APBA2: variants seen among roughly 807,000 people sequenced by gnomAD.
The protein encoded by APBA2 is amyloid-beta A4 precursor protein-binding family A member 2.
Under a neutral mutation model 75.0 loss-of-function variants are expected in APBA2, and 30 were observed. That is an observed-to-expected ratio of 0.40 (90% CI 0.30 to 0.54). The LOEUF is 0.54. Ranked by LOEUF, APBA2 falls within the 20% of genes least tolerant of loss-of-function variation. The probability of loss-of-function intolerance (pLI) is 0.49; values close to 1 mark genes in which losing one functional copy is unlikely to be tolerated. For missense variants in APBA2, 801 were observed against 1,016.1 expected, an observed-to-expected ratio of 0.79 and a Z score of 2.88; for synonymous variants, 444 against 409.6, an observed-to-expected ratio of 1.08 and a Z score of -1.01.
In APBA2 at chr15:28,947,917, T is replaced by G. The variant is rs577031007; in HGVS notation, c.-95+26168T>G. Among the ~76,000 whole-genome samples, 3 of 152,328 alleles carry G rather than the reference T, an allele frequency of 2.0e-5. No homozygotes were observed. The South Asian group carries it at 6.2e-4, about 32-fold the overall frequency. On this transcript the variant is annotated intron_variant, in intron 2 of 14. Transcript: ENST00000683413. ...GATTTGCTGTCAGGCAACTTATTTATAAATAAAGCAGCTTTTCAAGGAGCA... is the reference window on the plus strand; with the variant it reads ...GATTTGCTGTCAGGCAACTTATTTAGAAATAAAGCAGCTTTTCAAGGAGCA...
intron 6 of APBA2, among the ~76,000 whole-genome samples, chr15:29,088,261 G>T (rs940566530): frequency 6.6e-6 from 1 of 152,106 alleles, no homozygotes; most frequent in Admixed American, 6.6e-5. Context: ...GCTTCATCCT[G>T]CCCCCTTGCC....
Position 29,113,100 on chromosome 15 carries a change from C to T in APBA2, c.2038-776C>T, listed in dbSNP as rs999132816. On this transcript the variant is annotated intron_variant, in intron 13 of 14. Coordinates refer to ENST00000683413, the MANE Select transcript of APBA2 (RefSeq NM_001353788.2). The stretch of plus-strand genomic sequence containing the variant: ...AGCACATTCTGTTTCTCCGCTAGTC[C>T]GTGCTGTCACCCTCGGCTGTTGTGA... 3.3e-5 allele frequency among the ~76,000 whole-genome samples: 5 copies of T among 152,282 alleles called. 1 individual carries two copies. The highest frequency in any genetic ancestry group is 7.2e-5 in the African/African-American group (3 of 41,550).
chr15:29,080,715 G>A (rs1566983019), intron 6 of APBA2, among the ~76,000 whole-genome samples: 3 of 152,288 alleles, frequency 2.0e-5, no homozygotes, highest in South Asian at 2.1e-4. Context: ...GAGGGTCACT[G>A]CCTCTGGATG....
intron 3 of APBA2, among the ~76,000 whole-genome samples, chr15:29,011,708 A>G (rs1402655600): frequency 6.6e-6 from 1 of 152,238 alleles, no homozygotes; most frequent in African/African-American, 2.4e-5. Flanking sequence ...TACTGAAAGA[A>G]GTGTGTTAAA....
intron 10 of APBA2, among the ~76,000 whole-genome samples, chr15:29,102,959 C>T (rs575257366): frequency 6.6e-6 from 1 of 152,234 alleles, no homozygotes; most frequent in Admixed American, 6.5e-5. Flanking sequence ...AACTTGGGTC[C>T]ACTTGAAGTG....
At chr15:28,967,499 C>T (rs1282200188) in intron 2 of APBA2, among the ~76,000 whole-genome samples, 1 of 152,100 alleles carries the variant, frequency 6.6e-6, no homozygotes, top group Non-Finnish European at 1.5e-5. Flanking sequence ...AGTGCAGTGG[C>T]ACGATCTTGG....
At position 28,942,741 on chromosome 15, in the gene APBA2, G is replaced by A. The variant is rs565947968; in HGVS notation, c.-95+20992G>A. Among the ~76,000 whole-genome samples the A allele has an allele frequency of 1.2e-4, 19 of 152,300 alleles. No individual in the cohort carries two copies. In the East Asian group the frequency reaches 3.3e-3, roughly 26 times the overall value. ...GGGAGGTATCCTTACCCCAGGACCC[G>A]AGTGAGCGTCTGTTGGAGACTCCCA... is the stretch of plus-strand genomic sequence containing the variant. On this transcript the variant is annotated intron_variant, in intron 2 of 14. Coordinates refer to ENST00000683413, the MANE Select transcript of APBA2 (RefSeq NM_001353788.2).
At chr15:28,906,202 A>T (rs150641715) in intron 1 of APBA2, among the ~76,000 whole-genome samples, 27,724 of 152,142 alleles carry the variant, frequency 0.18, 8,110 homozygotes, top group African/African-American at 0.62. Flanking sequence ...TTTAAAAAAA[A>T]TTTACTTTAA....
At chr15:29,011,614 G>A (rs1051865024) in intron 3 of APBA2, among the ~76,000 whole-genome samples, 4 of 151,874 alleles carry the variant, frequency 2.6e-5, no homozygotes, top group African/African-American at 7.3e-5. Context: ...CAGTACTTTC[G>A]ATATATTCAT....
intron 6 of APBA2, among the ~76,000 whole-genome samples, chr15:29,082,009 T>G (rs1650795502): frequency 6.6e-6 from 1 of 152,212 alleles, no homozygotes; most frequent in Non-Finnish European, 1.5e-5. Flanking sequence ...TGAGAGTTGG[T>G]TACGTATGAG....
chr15:29,031,989 C>G (rs1453640308), intron 3 of APBA2, among the ~76,000 whole-genome samples: 1 of 152,304 alleles, frequency 6.6e-6, no homozygotes, highest in South Asian at 2.1e-4. Flanking sequence ...AATTTCATGG[C>G]CAGGGGTGAG....
intron 7 of APBA2, 71 bp downstream of exon 7, chr15:29,093,291 C>T (rs1015399108): frequency 3.4e-5 from 54 of 1,581,086 alleles, no homozygotes; most frequent in East Asian, 6.9e-5. Context: ...GGGAATATGG[C>T]GGGGCGTAGG....
chr15:29,002,031 A>G (rs1440276266), intron 3 of APBA2, among the ~76,000 whole-genome samples: 1 of 152,238 alleles, frequency 6.6e-6, no homozygotes, highest in Admixed American at 6.5e-5. Flanking sequence ...TGAATATAAT[A>G]GTCCCCGGTC....
intron 5 of APBA2, 86 bp from the exon 6 acceptor site, chr15:29,075,969 C>T: frequency 8.1e-7 from 1 of 1,228,124 alleles, no homozygotes; most frequent in African/African-American, 1.5e-5. Context: ...CATTATGGCT[C>T]ATATCACAGC....
intron 3 of APBA2, among the ~76,000 whole-genome samples, chr15:29,042,511 G>T (rs1434458437): frequency 6.6e-6 from 1 of 152,012 alleles, no homozygotes; most frequent in African/African-American, 2.4e-5. Context: ...GCCCGCCTCG[G>T]CCTCCCAAAG....
At chr15:28,924,030 C>T (rs1293909508) in intron 2 of APBA2, among the ~76,000 whole-genome samples, 1 of 152,178 alleles carries the variant, frequency 6.6e-6, no homozygotes, top group Non-Finnish European at 1.5e-5. Flanking sequence ...CAGCGGTCAA[C>T]CTGGCCACCC....
At chr15:29,100,145 G>A (rs1262600368) in intron 9 of APBA2, among the ~76,000 whole-genome samples, 1 of 152,240 alleles carries the variant, frequency 6.6e-6, no homozygotes, top group African/African-American at 2.4e-5. Context: ...TGAGGAGGAG[G>A]AGGGATCTGC....
intron 14 of APBA2, among the ~76,000 whole-genome samples, chr15:29,115,385 G>C (rs1007059090): frequency 6.6e-6 from 1 of 152,108 alleles, no homozygotes; most frequent in Non-Finnish European, 1.5e-5. Flanking sequence ...CTGGACTGGT[G>C]GGGGCAGGGG....
At chr15:29,013,138 A>G (rs2039483105) in intron 3 of APBA2, among the ~76,000 whole-genome samples, 1 of 152,060 alleles carries the variant, frequency 6.6e-6, no homozygotes, top group Non-Finnish European at 1.5e-5. Flanking sequence ...CTTCAGACAT[A>G]ATATTTTTTT....
Sources: allele counts gnomAD v4.1 joint callset (sites outside exome capture counted in the v4.1 genomes callset), GRCh38; gene constraint gnomAD v4.1.1; transcripts MANE v1.5; gene names NCBI Gene and HGNC (gene_info 2026-07-23, HGNC 2026-07-21).